ZFAND3: variants seen among roughly 807,000 people sequenced by gnomAD.
The protein encoded by ZFAND3 is zinc finger AN1-type containing 3, also known as AN1-type zinc finger protein 3.
A neutral mutation model predicts 29.6 loss-of-function variants in ZFAND3; 10 were observed. The observed-to-expected ratio is 0.34, with a 90% CI of 0.21 to 0.57. The LOEUF (loss-of-function observed/expected upper bound fraction) is 0.57, where lower values mean the gene tolerates loss of function less well. Among genes scored for constraint, ZFAND3 ranks in the 20% least tolerant of loss-of-function variants. The probability of loss-of-function intolerance (pLI) is 0.86; values close to 1 mark genes in which losing one functional copy is unlikely to be tolerated. For synonymous variants in ZFAND3, 128 were observed against 112.6 expected, an observed-to-expected ratio of 1.14 and a Z score of -0.87; for missense variants, 230 against 304.5, an observed-to-expected ratio of 0.76 and a Z score of 1.82.
chr6:37,889,119 T>G (rs750965510), intron 1 of ZFAND3, among the ~76,000 whole-genome samples: 1 of 152,210 alleles, frequency 6.6e-6, no homozygotes, highest in Non-Finnish European at 1.5e-5. Flanking sequence ...TTGCTTGTCT[T>G]TCTCCATTAC....
intron 1 of ZFAND3, among the ~76,000 whole-genome samples, chr6:37,825,947 A>G (rs1276359896): frequency 6.6e-6 from 1 of 152,164 alleles, no homozygotes; most frequent in Non-Finnish European, 1.5e-5. Flanking sequence ...ATGCAAAGTG[A>G]TGTAGTATTT....
chr6:37,977,289 G>C (rs922977155), intron 2 of ZFAND3, among the ~76,000 whole-genome samples: 9 of 152,088 alleles, frequency 5.9e-5, no homozygotes. Context: ...AGACTCTTCA[G>C]TACTATTTAT....
intron 2 of ZFAND3, among the ~76,000 whole-genome samples, chr6:37,955,718 C>T (rs780289927): frequency 2.6e-5 from 4 of 152,222 alleles, no homozygotes; most frequent in Non-Finnish European, 5.9e-5. Flanking sequence ...AGAGCTTGAG[C>T]TCTGGAGGCA....
intron 1 of ZFAND3, among the ~76,000 whole-genome samples, chr6:37,848,718 T>C (rs1385893453): frequency 4.6e-5 from 7 of 152,228 alleles, no homozygotes; most frequent in Admixed American, 4.6e-4. Flanking sequence ...ACTGAGTTTA[T>C]TGTTGAAGTT....
At chr6:37,821,852 G>C (rs183903048) in intron 1 of ZFAND3, among the ~76,000 whole-genome samples, 3 of 152,154 alleles carry the variant, frequency 2.0e-5, no homozygotes, top group Admixed American at 1.3e-4. Context: ...ATTTATTTTT[G>C]AGTCGGAGCC....
chr6:37,891,420 C>CCCCA (rs1765097688), intron 1 of ZFAND3, among the ~76,000 whole-genome samples: 1 of 141,794 alleles, frequency 7.1e-6, no homozygotes, highest in Non-Finnish European at 1.5e-5. Flanking sequence ...TTTCAGTCCC[C>CCCCA]CCCCCCGCCT....
chr6:37,908,294 A>G (rs762407106), intron 1 of ZFAND3, among the ~76,000 whole-genome samples: 2 of 152,214 alleles, frequency 1.3e-5, no homozygotes, highest in Admixed American at 1.3e-4. Flanking sequence ...CCAGTGATAA[A>G]GTGAAAAAGT....
chr6:37,877,823 C>G (rs185540810), intron 1 of ZFAND3, among the ~76,000 whole-genome samples: 116 of 151,698 alleles, frequency 7.6e-4, no homozygotes, highest in African/African-American at 2.7e-3. Flanking sequence ...GAAGCAAGAG[C>G]CAAACCAGAC....
At chr6:38,064,823 T>G (rs1764310204) in intron 3 of ZFAND3, among the ~76,000 whole-genome samples, 1 of 152,190 alleles carries the variant, frequency 6.6e-6, no homozygotes, top group Non-Finnish European at 1.5e-5. Context: ...GCTAATCTCT[T>G]TCCTAATTCC....
rs187052975 is a variant in ZFAND3 at position 37,852,140 on chromosome 6, C to G, written c.71+32124C>G. 2.0e-5 allele frequency among the ~76,000 whole-genome samples: 3 copies of G among 152,304 alleles called. No homozygotes were observed. The East Asian group carries it at 5.8e-4, about 29-fold the overall frequency. On this transcript the variant is annotated intron_variant, in intron 1 of 5. Coordinates refer to ENST00000287218, the MANE Select transcript of ZFAND3 (RefSeq NM_021943.3). Reference sequence around the variant, plus strand: ...TGTGCGACTGTAGCAAGTTATGTGACTTACCAGGAAATCAGTTTATTTATC... The same window carrying G: ...TGTGCGACTGTAGCAAGTTATGTGAGTTACCAGGAAATCAGTTTATTTATC...
At chr6:38,035,762 G>C (rs796874573) in intron 2 of ZFAND3, among the ~76,000 whole-genome samples, 2 of 152,282 alleles carry the variant, frequency 1.3e-5, no homozygotes, top group South Asian at 4.1e-4. Flanking sequence ...TAATTTTCTA[G>C]AAATTGTTTA....
At chr6:37,928,613 T>C (rs1362822770) in intron 1 of ZFAND3, among the ~76,000 whole-genome samples, 1 of 152,122 alleles carries the variant, frequency 6.6e-6, no homozygotes, top group Non-Finnish European at 1.5e-5. Context: ...CTCCGCTTCC[T>C]GGGTTCAAGC....
chr6:38,096,794 A>G (rs553858587), intron 4 of ZFAND3, among the ~76,000 whole-genome samples: 2 of 151,976 alleles, frequency 1.3e-5, no homozygotes, highest in East Asian at 3.9e-4. Flanking sequence ...TTTTATTTCA[A>G]CAATCATACT....
intron 5 of ZFAND3, among the ~76,000 whole-genome samples, chr6:38,151,937 C>T (rs577226516): frequency 6.6e-6 from 1 of 152,258 alleles, no homozygotes; most frequent in African/African-American, 2.4e-5. Flanking sequence ...GAGAGGAGCG[C>T]AGAGCCCACT....
intron 1 of ZFAND3, among the ~76,000 whole-genome samples, chr6:37,877,696 G>A (rs1359861541): frequency 4.6e-5 from 7 of 152,256 alleles, no homozygotes; most frequent in East Asian, 1.9e-4. Context: ...GGCAGGGCTG[G>A]GATTCAAACC....
Position 38,152,404 on chromosome 6 carries a change from C to A in ZFAND3, c.*15C>A. Reference sequence around the variant, plus strand: ...GGTGCTCCTGAAGGCCAGGCATGGCCACCACGTGACGCTGTTCTTAGTTCA... The same window carrying A: ...GGTGCTCCTGAAGGCCAGGCATGGCAACCACGTGACGCTGTTCTTAGTTCA... On this transcript the variant is annotated 3_prime_UTR_variant, in exon 6 of 6. Transcript: ENST00000287218. The A allele has an allele frequency of 6.4e-7, 1 of 1,560,320 alleles. No individual in the cohort carries two copies. The highest frequency in any genetic ancestry group is 1.2e-5 in the South Asian group (1 of 81,744).
At chr6:37,983,343 C>CTTTTTTTTTTTTTTTTTTTTTTTTT (rs70981516) in intron 2 of ZFAND3, among the ~76,000 whole-genome samples, 1 of 50,046 alleles carries the variant, frequency 2.0e-5, no homozygotes, top group African/African-American at 8.1e-5. Flanking sequence ...CAGTTTTTAT[C>CTTTTTTTTTTTTTTTTTTTTTTTTT]TTTTTTTTTT....
intron 2 of ZFAND3, among the ~76,000 whole-genome samples, chr6:38,006,741 A>T (rs1224804281): frequency 1.3e-5 from 2 of 150,606 alleles, no homozygotes; most frequent in Non-Finnish European, 2.9e-5. Context: ...GTGAAATCAC[A>T]GGATGTCTAA....
intron 5 of ZFAND3, among the ~76,000 whole-genome samples, chr6:38,128,151 G>A (rs1271396673): frequency 1.3e-5 from 2 of 152,062 alleles, no homozygotes; most frequent in African/African-American, 4.8e-5. Context: ...CAAAATAATC[G>A]GATTTTTAAA....
Sources: gnomAD v4.1 joint callset for allele counts (sites outside exome capture counted in the v4.1 genomes callset) on GRCh38, gnomAD v4.1.1 for gene constraint, MANE v1.5 for transcripts, NCBI Gene and HGNC (gene_info 2026-07-23, HGNC 2026-07-21) for gene names.